Variants in ME1 observed in about 807,000 individuals in gnomAD.
The protein encoded by ME1 is malic enzyme 1.
In ME1, 74 loss-of-function variants were observed where a neutral mutation model predicts 66.4. The observed-to-expected ratio is 1.11, with a 90% CI of 0.92 to 1.35. ME1 has a LOEUF of 1.35. ME1 is among the 40% of genes most tolerant of loss of function. ME1 has a pLI of 0.00. For missense variants in ME1, 750 were observed against 694.1 expected (o/e 1.08, Z -0.90); for synonymous variants, 251 against 235.6 (o/e 1.07, Z -0.60).
chr6:83,365,387 C>G (rs190879506), intron 3 of ME1, among the ~76,000 whole-genome samples: 2 of 152,284 alleles, frequency 1.3e-5, no homozygotes, highest in Admixed American at 1.3e-4. Context: ...AGCCACTGTG[C>G]CTGGCCCTAT....
At chr6:83,344,289 CAA>C (rs11402376) in intron 5 of ME1, among the ~76,000 whole-genome samples, 14 of 105,980 alleles carry the variant, frequency 1.3e-4, no homozygotes, top group East Asian at 2.8e-4. Flanking sequence ...CTATCTCTTA[CAA>C]AAAAAAAAAA....
At chr6:83,251,363 C>T (rs1790722289) in intron 7 of ME1, among the ~76,000 whole-genome samples, 1 of 151,844 alleles carries the variant, frequency 6.6e-6, no homozygotes, top group African/African-American at 2.4e-5. Flanking sequence ...GGCGCAGTGG[C>T]ACGCACCTGT....
At chr6:83,328,710 G>A (rs1042575970) in intron 5 of ME1, among the ~76,000 whole-genome samples, 3 of 152,110 alleles carry the variant, frequency 2.0e-5, no homozygotes, top group Non-Finnish European at 4.4e-5. Flanking sequence ...ATGGTCAGGA[G>A]CAAACACTCA....
chr6:83,293,088 G>A lies in ME1; in HGVS notation c.704+22222C>T, dbSNP rs139975211. Among the ~76,000 whole-genome samples, 998 of 152,262 alleles carry A rather than the reference G, an allele frequency of 6.6e-3. 11 individuals carry two copies. Among genetic ancestry groups the A allele is most frequent in the African/African-American group, 0.023 (945 of 41,554 alleles). On this transcript the variant is annotated intron_variant, in intron 6 of 13. Coordinates refer to ENST00000369705, the MANE Select transcript of ME1 (RefSeq NM_002395.6). Reference sequence around the variant, plus strand: ...GCTAGGAAAGAGAAATCCCCTGACCGCTTGCACTTCCCAGGTGAGGCGACA... The same window carrying A: ...GCTAGGAAAGAGAAATCCCCTGACCACTTGCACTTCCCAGGTGAGGCGACA...
chr6:83,357,491 T>C (rs1768911972), intron 3 of ME1, among the ~76,000 whole-genome samples: 1 of 152,172 alleles, frequency 6.6e-6, no homozygotes, highest in Non-Finnish European at 1.5e-5. Flanking sequence ...TCAAGCTGGC[T>C]TCTATGGCTT....
At chr6:83,223,719 G>A (rs1281333402) in intron 12 of ME1, 41 bp downstream of exon 12, 4 of 1,575,304 alleles carry the variant, frequency 2.5e-6, no homozygotes, top group Non-Finnish European at 2.6e-6. Context: ...AGCACACTTG[G>A]TATTTTAAAC....
chr6:83,265,786 C>T (rs528611999), intron 6 of ME1, among the ~76,000 whole-genome samples: 1 of 152,282 alleles, frequency 6.6e-6, no homozygotes, highest in South Asian at 2.1e-4. Flanking sequence ...TGCAATGATG[C>T]TGCAACTGCT....
intron 7 of ME1, among the ~76,000 whole-genome samples, chr6:83,243,816 T>A (rs1180041674): frequency 1.3e-4 from 18 of 135,138 alleles, no homozygotes; most frequent in Admixed American, 7.6e-4. Context: ...ATATATTATA[T>A]TTATATAATA....
intron 6 of ME1, among the ~76,000 whole-genome samples, chr6:83,277,658 T>C (rs1320124228): frequency 6.6e-6 from 1 of 152,074 alleles, no homozygotes; most frequent in African/African-American, 2.4e-5. Flanking sequence ...TCCCAGCACT[T>C]TGGGAGGCTG....
intron 6 of ME1, among the ~76,000 whole-genome samples, chr6:83,267,989 T>A (rs1423165780): frequency 4.6e-5 from 7 of 152,036 alleles, no homozygotes; most frequent in Admixed American, 4.6e-4. Context: ...TCCATTAGAG[T>A]TTATACTGAA....
chr6:83,371,112 T>C (rs533132690), intron 3 of ME1, among the ~76,000 whole-genome samples: 93 of 152,284 alleles, frequency 6.1e-4, no homozygotes, highest in Non-Finnish European at 1.0e-3. Flanking sequence ...ATTAATCATA[T>C]TGTTGTTGCT....
At chr6:83,298,045 T>C (rs749530245) in intron 6 of ME1, among the ~76,000 whole-genome samples, 1 of 152,208 alleles carries the variant, frequency 6.6e-6, no homozygotes, top group Non-Finnish European at 1.5e-5. Flanking sequence ...ATCTTTATAA[T>C]AGAATGATTT....
At chr6:83,353,323 A>G (rs1382709274) in intron 3 of ME1, among the ~76,000 whole-genome samples, 1 of 152,210 alleles carries the variant, frequency 6.6e-6, no homozygotes, top group Non-Finnish European at 1.5e-5. Flanking sequence ...AAATGTCTAA[A>G]TTCATGAATT....
chr6:83,261,880 G>T (rs1766898265), intron 6 of ME1, among the ~76,000 whole-genome samples: 1 of 151,894 alleles, frequency 6.6e-6, no homozygotes, highest in African/African-American at 2.4e-5. Flanking sequence ...TAGGCGTGGT[G>T]GCAGGCGCTT....
chr6:83,348,930 G>T (rs1768740521), intron 4 of ME1, among the ~76,000 whole-genome samples: 1 of 139,130 alleles, frequency 7.2e-6, no homozygotes, highest in Non-Finnish European at 1.5e-5. Context: ...GTTGCAGTGA[G>T]CAGAGATCAC....
chr6:83,228,685 C>G (rs886623051), intron 10 of ME1, 141 bp downstream of exon 10: 1 of 574,362 alleles, frequency 1.7e-6, no homozygotes, highest in Non-Finnish European at 3.1e-6. Context: ...AAATCTAGGT[C>G]TCTACAGGGT....
chr6:83,265,287 G>GTTTTA (rs113880688), intron 6 of ME1, among the ~76,000 whole-genome samples: 7 of 151,914 alleles, frequency 4.6e-5, no homozygotes, highest in African/African-American at 7.3e-5. Context: ...ACACAAGTGA[G>GTTTTA]TTTTATTTTA....
intron 5 of ME1, among the ~76,000 whole-genome samples, chr6:83,344,484 G>A (rs1768649149): frequency 6.6e-6 from 1 of 152,124 alleles, no homozygotes; most frequent in Admixed American, 6.6e-5. Context: ...TTGGGAGGCT[G>A]AGGTGGGAGA....
intron 7 of ME1, among the ~76,000 whole-genome samples, chr6:83,249,369 G>A (rs1290464705): frequency 6.6e-6 from 1 of 151,906 alleles, no homozygotes. Flanking sequence ...TGGGACTAAG[G>A]GTATGCGCCA....
Sources: gnomAD v4.1 joint callset for allele counts (sites outside exome capture counted in the v4.1 genomes callset) on GRCh38, gnomAD v4.1.1 for gene constraint, MANE v1.5 for transcripts, NCBI Gene and HGNC (gene_info 2026-07-23, HGNC 2026-07-21) for gene names.